NPEPPS: variants seen among roughly 807,000 people sequenced by gnomAD.
NPEPPS encodes puromycin-sensitive aminopeptidase.
NPEPPS carries 14 observed loss-of-function variants against 115.5 expected under a neutral mutation model. The observed-to-expected ratio is 0.12, with a 90% CI of 0.08 to 0.19. The LOEUF (loss-of-function observed/expected upper bound fraction) is 0.19, where lower values mean the gene tolerates loss of function less well. NPEPPS is among the 10% of genes least tolerant of loss of function. The probability of loss-of-function intolerance (pLI) is 1.00; values close to 1 mark genes in which losing one functional copy is unlikely to be tolerated. For synonymous variants in NPEPPS, 285 were observed against 390.6 expected (o/e 0.73, Z 3.19); for missense variants, 523 against 1,110.8 (o/e 0.47, Z 7.52).
At chr17:47,544,556 A>T (rs1021074069) in intron 1 of NPEPPS, among the ~76,000 whole-genome samples, 1 of 148,318 alleles carries the variant, frequency 6.7e-6, no homozygotes, top group African/African-American at 2.5e-5. Context: ...TTATTTTGAG[A>T]TAGAGTTTCA....
intron 1 of NPEPPS, among the ~76,000 whole-genome samples, chr17:47,531,961 C>G (rs1907815681): frequency 6.6e-6 from 1 of 152,166 alleles, no homozygotes. Flanking sequence ...AGTCCCCGCT[C>G]TGCCTCAACC....
At chr17:47,563,034 G>GTTTT (rs201468395) in intron 2 of NPEPPS, among the ~76,000 whole-genome samples, 1 of 144,022 alleles carries the variant, frequency 6.9e-6, no homozygotes, top group African/African-American at 2.5e-5. Flanking sequence ...TTGTTTGTTT[G>GTTTT]TTTTGTTTTT....
chr17:47,534,499 C>T (rs1163461356), intron 1 of NPEPPS, among the ~76,000 whole-genome samples: 3 of 152,120 alleles, frequency 2.0e-5, no homozygotes, highest in Non-Finnish European at 4.4e-5. Flanking sequence ...CAAAATTTTA[C>T]GATAAGCCCA....
chr17:47,576,220 G>GGGTC (rs1911512889), intron 3 of NPEPPS, among the ~76,000 whole-genome samples: 1 of 152,150 alleles, frequency 6.6e-6, no homozygotes, highest in Non-Finnish European at 1.5e-5. Flanking sequence ...TAGTGGCTGA[G>GGGTC]GGTCCTAAGG....
At chr17:47,563,500 T>C (rs1910582024) in intron 2 of NPEPPS, among the ~76,000 whole-genome samples, 2 of 152,236 alleles carry the variant, frequency 1.3e-5, no homozygotes, top group African/African-American at 4.8e-5. Context: ...AAAGCTGTTA[T>C]ATATATGTAT....
intron 3 of NPEPPS, among the ~76,000 whole-genome samples, chr17:47,572,478 T>A (rs1482150403): frequency 6.8e-6 from 1 of 147,754 alleles, no homozygotes; most frequent in Non-Finnish European, 1.5e-5. Flanking sequence ...TAAAGAAAGT[T>A]AAAAAAAAAA....
intron 2 of NPEPPS, among the ~76,000 whole-genome samples, chr17:47,568,946 C>T (rs1413514014): frequency 3.9e-5 from 6 of 151,992 alleles, no homozygotes; most frequent in East Asian, 1.9e-4. Context: ...TGAGCCACCA[C>T]GCCTGGCCAC....
intron 21 of NPEPPS, 104 bp from the exon 22 acceptor site, chr17:47,619,633 C>T (rs1597901020): frequency 2.2e-6 from 2 of 914,262 alleles, no homozygotes; most frequent in Non-Finnish European, 3.6e-6. Flanking sequence ...TCCTTTATAA[C>T]AGACTGAAGT....
chr17:47,590,542 T>A (rs1053177636), intron 9 of NPEPPS, among the ~76,000 whole-genome samples, 175 bp from the exon 10 acceptor site: 5 of 152,166 alleles, frequency 3.3e-5, no homozygotes, highest in Non-Finnish European at 5.9e-5. Context: ...TTGACATCTC[T>A]TTTAGTCTTC....
At chr17:47,596,305 G>T in intron 12 of NPEPPS, 48 bp from the exon 13 acceptor site, 1 of 1,225,948 alleles carries the variant, frequency 8.2e-7, no homozygotes, top group Non-Finnish European at 1.1e-6. Flanking sequence ...TTTTTGTTTA[G>T]GAAAATAAAA....
At chr17:47,568,976 A>G (rs1464034328) in intron 2 of NPEPPS, among the ~76,000 whole-genome samples, 2 of 152,108 alleles carry the variant, frequency 1.3e-5, no homozygotes, top group African/African-American at 4.8e-5. Flanking sequence ...TTTTACCAGA[A>G]GTGGGTATGA....
chr17:47,595,986 A>G (rs1222679578), intron 12 of NPEPPS: 1 of 156,646 alleles, frequency 6.4e-6, no homozygotes, highest in Non-Finnish European at 1.4e-5. Context: ...CATCTCAAAA[A>G]AAAAAAAAAA....
At chr17:47,525,420 T>G (rs1490353343) in intron 1 of NPEPPS, among the ~76,000 whole-genome samples, 1 of 152,222 alleles carries the variant, frequency 6.6e-6, no homozygotes, top group Non-Finnish European at 1.5e-5. Context: ...CTTGGCTCAC[T>G]GCAACCTCTG....
chr17:47,544,337 G>A (rs750243970), intron 1 of NPEPPS, among the ~76,000 whole-genome samples: 27 of 152,002 alleles, frequency 1.8e-4, no homozygotes, highest in Non-Finnish European at 2.6e-4. Context: ...CACACTCGGC[G>A]GTAAGAGTTA....
At chr17:47,549,415 C>A (rs1909470606) in intron 2 of NPEPPS, among the ~76,000 whole-genome samples, 1 of 151,908 alleles carries the variant, frequency 6.6e-6, no homozygotes, top group Admixed American at 6.6e-5. Flanking sequence ...GGGAAAAAAC[C>A]TGAAGTCATG....
Position 47,612,581 on chromosome 17 carries a change from C to T in NPEPPS, c.2217C>T (p.Leu739=), listed in dbSNP as rs755555335. The T allele has an allele frequency of 3.7e-6, 6 of 1,613,782 alleles. No individual in the cohort carries two copies. Among genetic ancestry groups the T allele is most frequent in the Middle Eastern group, 3.3e-4 (2 of 6,054 alleles). The change falls in exon 18 of 23, where the codon CTC becomes CTT. Residue 739 remains leucine, a synonymous_variant. Transcript: ENST00000322157. ...FKDHVEGKQI[L]SADLRSPVYL... ...ACCACGTGGAAGGAAAACAGATTCTCTCCGCTGATCTGAGGAGTCCTGTAG... is the reference window on the plus strand; with the variant it reads ...ACCACGTGGAAGGAAAACAGATTCTTTCCGCTGATCTGAGGAGTCCTGTAG...
intron 1 of NPEPPS, among the ~76,000 whole-genome samples, chr17:47,535,839 T>C (rs1458452525): frequency 1.4e-5 from 2 of 141,390 alleles, no homozygotes; most frequent in African/African-American, 5.5e-5. Flanking sequence ...ATTCTTTTTT[T>C]TTTTTTTTTT....
Position 47,622,945 on chromosome 17 carries a change from A to G in NPEPPS, c.*1025A>G, listed in dbSNP as rs1198080544. ...AGTGGTAACTGCTGCAGGGCTTAAT[A>G]CATTAGTGGTAACTGGTTTAAAAAA... On this transcript the variant is annotated 3_prime_UTR_variant, in exon 23 of 23. Transcript: ENST00000322157. 2.2e-6 allele frequency: 1 copy of G among 455,882 alleles called. No homozygotes were observed. Among genetic ancestry groups the G allele is most frequent in the African/African-American group, 2.0e-5 (1 of 50,054 alleles). The allele number at this position is 455,882 out of a possible 1,614,324, so 28.2% of individuals were successfully genotyped here.
chr17:47,543,145 C>CAAA (rs941024934), intron 1 of NPEPPS, among the ~76,000 whole-genome samples: 2 of 53,054 alleles, frequency 3.8e-5, no homozygotes, highest in South Asian at 5.8e-4. Context: ...GACTCCATCT[C>CAAA]AAAAAAAAAA....
Sources: allele counts gnomAD v4.1 joint callset (sites outside exome capture counted in the v4.1 genomes callset), GRCh38; gene constraint gnomAD v4.1.1; transcripts MANE v1.5; gene names NCBI Gene and HGNC (gene_info 2026-07-23, HGNC 2026-07-21).